Variants in PLCL2 observed in about 807,000 individuals in gnomAD.
The protein encoded by PLCL2 is inactive phospholipase C-like protein 2.
Under a neutral mutation model 79.6 loss-of-function variants are expected in PLCL2, and 4 were observed. The observed-to-expected ratio is 0.05, with a 90% CI of 0.02 to 0.11. The LOEUF (loss-of-function observed/expected upper bound fraction) is 0.11, where lower values mean the gene tolerates loss of function less well. Among genes scored for constraint, PLCL2 ranks in the 10% least tolerant of loss-of-function variants. The pLI is 1.00. For synonymous variants in PLCL2, 484 were observed against 457.7 expected, an observed-to-expected ratio of 1.06 and a Z score of -0.73; for missense variants, 895 against 1,291.0, an observed-to-expected ratio of 0.69 and a Z score of 4.70.
chr3:17,079,205 G>T (rs2065138294), intron 5 of PLCL2, among the ~76,000 whole-genome samples: 1 of 151,996 alleles, frequency 6.6e-6, no homozygotes, highest in Non-Finnish European at 1.5e-5. Context: ...CTCGCTCTCT[G>T]CATCCTCTCT....
chr3:16,885,140 A>C lies in PLCL2; in HGVS notation c.101A>C (p.Glu34Ala), dbSNP rs1191185879. ...AKGALKAGVG[E>A]GGGGGGRLGH... ...GGCGCCCTGAAAGCCGGAGTGGGGG[A>C]AGGCGGTGGCGGGGGAGGTCGCCTC... The change falls in exon 1 of 6, where the codon GAA (glutamate) becomes GCA (alanine). Residue 34 changes from glutamate to alanine, a missense_variant. Physicochemically the swap from Glu to Ala is moderately radical, Grantham distance 107 (BLOSUM62 -1). Around this residue, in one of 6 missense-constraint regions of PLCL2, gnomAD observed 110 missense variants for 42.9 expected, o/e 2.56. Transcript: ENST00000615277. The C allele has an allele frequency of 4.0e-6, 2 of 500,678 alleles. No homozygotes were observed. The highest frequency in any genetic ancestry group is 2.0e-5 in the African/African-American group (1 of 49,456). 31.0% of individuals were successfully genotyped at this position (500,678 alleles called of 1,614,324 possible).
chr3:17,015,732 A>G (rs1042460674), intron 3 of PLCL2, among the ~76,000 whole-genome samples: 3 of 152,202 alleles, frequency 2.0e-5, no homozygotes, highest in Non-Finnish European at 4.4e-5. Context: ...CAAAAGCACA[A>G]GCTAAGACCA....
chr3:16,940,305 C>T (rs1334853985), intron 1 of PLCL2, among the ~76,000 whole-genome samples: 1 of 152,214 alleles, frequency 6.6e-6, no homozygotes, highest in Non-Finnish European at 1.5e-5. Flanking sequence ...CCCTTTCTTT[C>T]TCTTGTTTAG....
At chr3:17,025,211 T>A (rs919964554) in intron 3 of PLCL2, among the ~76,000 whole-genome samples, 2 of 152,188 alleles carry the variant, frequency 1.3e-5, no homozygotes, top group African/African-American at 2.4e-5. Flanking sequence ...TTGTTTAGAA[T>A]CCTTATGTTC....
chr3:16,928,055 G>A (rs936720207), intron 1 of PLCL2, among the ~76,000 whole-genome samples: 1 of 152,190 alleles, frequency 6.6e-6, no homozygotes, highest in Non-Finnish European at 1.5e-5. Context: ...TGAGGTCTAG[G>A]GAGGTTACAT....
chr3:17,005,812 G>A (rs892415021), intron 1 of PLCL2, among the ~76,000 whole-genome samples: 8 of 152,094 alleles, frequency 5.3e-5, no homozygotes, highest in Non-Finnish European at 8.8e-5. Context: ...CTTGCAGTCC[G>A]GACATTGTTT....
At chr3:17,081,060 A>C in intron 5 of PLCL2, 1 of 418,720 alleles carries the variant, frequency 2.4e-6, no homozygotes, top group Non-Finnish European at 4.8e-6. Flanking sequence ...TAATCTCTCT[A>C]AACTCAGTGT....
chr3:17,079,733 A>C (rs1437878597), intron 5 of PLCL2, among the ~76,000 whole-genome samples: 1 of 152,236 alleles, frequency 6.6e-6, no homozygotes, highest in African/African-American at 2.4e-5. Context: ...TCTGAATTTA[A>C]AAAATTGAAT....
chr3:17,067,896 C>T (rs2065025676), intron 4 of PLCL2, 60 bp from the exon 5 acceptor site: 3 of 881,844 alleles, frequency 3.4e-6, no homozygotes, highest in Admixed American at 2.3e-5. Flanking sequence ...GAAATATTTC[C>T]AGTTCATTAC....
intron 3 of PLCL2, among the ~76,000 whole-genome samples, chr3:17,017,634 T>C (rs568439397): frequency 4.2e-4 from 64 of 152,300 alleles, no homozygotes; most frequent in Non-Finnish European, 4.4e-4. Context: ...TTCTGTTGAC[T>C]TCCCATGTAT....
chr3:17,007,596 A>G (rs1465751813), intron 1 of PLCL2, among the ~76,000 whole-genome samples: 2 of 152,184 alleles, frequency 1.3e-5, no homozygotes, highest in African/African-American at 4.8e-5. Context: ...TTCATTTTGA[A>G]ACTTTGAGGA....
rs1029979082 is a variant in PLCL2 at position 17,009,369 on chromosome 3, G to C, written c.328-305G>C. Among the ~76,000 whole-genome samples, 2 of 151,942 alleles carry C rather than the reference G, an allele frequency of 1.3e-5. No individual in the cohort carries two copies. Among genetic ancestry groups the C allele is most frequent in the East Asian group, 3.9e-4 (2 of 5,176 alleles). On this transcript the variant is annotated intron_variant, in intron 1 of 5. Transcript: ENST00000615277. The surrounding 1 kb of genome is among the most constrained non-coding windows in gnomAD (Gnocchi z 4.0). ...ACTCCTCACCTCAAGCAATCCTCCTGCCTTAGCCTCCCAAAGTGCTGAGTT... is the reference window on the plus strand; with the variant it reads ...ACTCCTCACCTCAAGCAATCCTCCTCCCTTAGCCTCCCAAAGTGCTGAGTT...
chr3:16,937,748 A>T (rs1373403048), intron 1 of PLCL2, among the ~76,000 whole-genome samples: 1 of 152,168 alleles, frequency 6.6e-6, no homozygotes, highest in Non-Finnish European at 1.5e-5. Context: ...TTTTCCTCGC[A>T]TATGGTTGAA....
At chr3:16,970,407 C>A (rs1223744326) in intron 1 of PLCL2, among the ~76,000 whole-genome samples, 12 of 150,372 alleles carry the variant, frequency 8.0e-5, no homozygotes, top group African/African-American at 2.9e-4. Context: ...TTTTTTATGG[C>A]TGCATAGTAT....
At chr3:17,000,525 C>A (rs980049698) in intron 1 of PLCL2, among the ~76,000 whole-genome samples, 1 of 152,050 alleles carries the variant, frequency 6.6e-6, no homozygotes, top group Non-Finnish European at 1.5e-5. Context: ...TGCTGTCAAA[C>A]TCTAGAACTT....
chr3:17,089,827 C>T lies in PLCL2; in HGVS notation c.3299C>T (p.Pro1100Leu). ...FAAVSCGLNK[P>L]GTENADVQKP... ...GCTGTTTCATGTGGACTGAATAAAC[C>T]AGGCACCGAAAATGCTGATGTCCAG... The change falls in exon 6 of 6, where the codon CCA becomes CTA. Residue 1100 changes from proline to leucine, a missense_variant. Coordinates refer to ENST00000615277, the MANE Select transcript of PLCL2 (RefSeq NM_001144382.2). 1 of 1,613,884 alleles carries T rather than the reference C, an allele frequency of 6.2e-7. No individual in the cohort carries two copies. Among genetic ancestry groups the T allele is most frequent in the Non-Finnish European group, 8.5e-7 (1 of 1,179,850 alleles).
At position 16,988,019 on chromosome 3, in the gene PLCL2, C is replaced by A. The variant is rs574812974; in HGVS notation, c.328-21655C>A. 1.8e-4 allele frequency among the ~76,000 whole-genome samples: 27 copies of A among 152,254 alleles called. No individual in the cohort carries two copies. In the South Asian group the frequency reaches 5.4e-3, roughly 30 times the overall value. ...ACGAGCAAGCTAAACATTGGTATTTCATTAGTAACCAGAGAACCATGGATT... is the reference window on the plus strand; with the variant it reads ...ACGAGCAAGCTAAACATTGGTATTTAATTAGTAACCAGAGAACCATGGATT... On this transcript the variant is annotated intron_variant, in intron 1 of 5. Transcript: ENST00000615277.
chr3:17,001,071 CT>C (rs1352527422), intron 1 of PLCL2, among the ~76,000 whole-genome samples: 3 of 151,282 alleles, frequency 2.0e-5, no homozygotes, highest in South Asian at 2.1e-4. Flanking sequence ...TCTACACCAG[CT>C]TTTTTTTTCT....
chr3:16,963,884 G>A (rs1457565795), intron 1 of PLCL2, among the ~76,000 whole-genome samples: 1 of 151,982 alleles, frequency 6.6e-6, no homozygotes, highest in Non-Finnish European at 1.5e-5. Flanking sequence ...TAACTACTGA[G>A]CACAGGCAGG....
Sources: gnomAD v4.1 joint callset for allele counts (sites outside exome capture counted in the v4.1 genomes callset) on GRCh38, gnomAD v4.1.1 for gene constraint, gnomAD v4.1.1 regional missense constraint, Gnocchi (gnomAD v3.1) non-coding constraint, MANE v1.5 for transcripts, NCBI Gene and HGNC (gene_info 2026-07-23, HGNC 2026-07-21) for gene names.